TBC1D32: variants seen among roughly 807,000 people sequenced by gnomAD.
TBC1D32 encodes TBC1 domain family member 32.
In TBC1D32, 151 loss-of-function variants were observed where a neutral mutation model predicts 170.3. The observed-to-expected ratio is 0.89, with a 90% CI of 0.78 to 1.01. The LOEUF (loss-of-function observed/expected upper bound fraction) is 1.01. Among genes scored for constraint, TBC1D32 ranks in the 50% least tolerant of loss-of-function variants. The probability of loss-of-function intolerance (pLI) is 0.00; values close to 1 mark genes in which losing one functional copy is unlikely to be tolerated. For synonymous variants in TBC1D32, 498 were observed against 488.0 expected, an observed-to-expected ratio of 1.02 and a Z score of -0.27; for missense variants, 1,464 against 1,457.1, an observed-to-expected ratio of 1.00 and a Z score of -0.08.
At chr6:121,310,051 A>G (rs1807943055) in intron 4 of TBC1D32, among the ~76,000 whole-genome samples, 1 of 151,706 alleles carries the variant, frequency 6.6e-6, no homozygotes, top group African/African-American at 2.4e-5. Flanking sequence ...ATATATATAT[A>G]AAATTTTTCT....
intron 12 of TBC1D32, among the ~76,000 whole-genome samples, chr6:121,285,307 AG>A (rs1803629558): frequency 1.3e-5 from 2 of 152,194 alleles, no homozygotes; most frequent in South Asian, 4.1e-4. Flanking sequence ...TGAAGTCCAG[AG>A]CTAACCAGTA....
chr6:121,185,182 T>C (rs1789029837), intron 22 of TBC1D32, among the ~76,000 whole-genome samples: 1 of 152,038 alleles, frequency 6.6e-6, no homozygotes, highest in South Asian at 2.1e-4. Flanking sequence ...CTTCAAAATT[T>C]TCCCTCTTTG....
intron 26 of TBC1D32, among the ~76,000 whole-genome samples, chr6:121,122,517 C>T (rs1314682167): frequency 1.3e-5 from 2 of 151,706 alleles, no homozygotes; most frequent in South Asian, 2.1e-4. Context: ...CCTGAAAATA[C>T]CCATATATCT....
intron 24 of TBC1D32, among the ~76,000 whole-genome samples, chr6:121,156,946 T>C (rs1166763389): frequency 2.6e-5 from 4 of 152,120 alleles, no homozygotes; most frequent in African/African-American, 9.6e-5. Flanking sequence ...AATCACAGAA[T>C]ATGTTGCATG....
chr6:121,124,001 AT>A (rs1780563881), intron 26 of TBC1D32, among the ~76,000 whole-genome samples: 1 of 151,924 alleles, frequency 6.6e-6, no homozygotes, highest in African/African-American at 2.4e-5. Context: ...TTCTACCACC[AT>A]TTTGAATTTT....
chr6:121,162,120 A>G (rs1229025527), intron 22 of TBC1D32, among the ~76,000 whole-genome samples: 1 of 152,180 alleles, frequency 6.6e-6, no homozygotes, highest in Non-Finnish European at 1.5e-5. Flanking sequence ...CAGATTGCAA[A>G]AAGTCTTCCC....
At chr6:121,279,060 C>A in intron 15 of TBC1D32, 61 bp downstream of exon 15, 3 of 1,529,068 alleles carry the variant, frequency 2.0e-6, no homozygotes, top group Non-Finnish European at 2.6e-6. Flanking sequence ...ATATTATTAG[C>A]AGCTTGTCAG....
intron 24 of TBC1D32, among the ~76,000 whole-genome samples, chr6:121,151,573 G>A (rs1178391823): frequency 1.3e-5 from 2 of 152,048 alleles, no homozygotes; most frequent in Admixed American, 6.6e-5. Context: ...TTTCTGTCTC[G>A]ATCAACTGTC....
intron 26 of TBC1D32, among the ~76,000 whole-genome samples, chr6:121,123,997 C>A (rs1351041187): frequency 6.6e-6 from 1 of 151,736 alleles, no homozygotes; most frequent in East Asian, 1.9e-4. Flanking sequence ...TCCTTTCTAC[C>A]ACCATTTTGA....
At chr6:121,235,493 C>T (rs1583328993) in intron 20 of TBC1D32, among the ~76,000 whole-genome samples, 1 of 152,206 alleles carries the variant, frequency 6.6e-6, no homozygotes, top group South Asian at 2.1e-4. Context: ...ATTATGGCTG[C>T]CTCTCCTGAG....
intron 1 of TBC1D32, among the ~76,000 whole-genome samples, chr6:121,323,050 C>G (rs1809965983): frequency 1.3e-5 from 2 of 152,078 alleles, no homozygotes; most frequent in Admixed American, 1.3e-4. Context: ...TTCCAGCTAC[C>G]CACCACATTT....
intron 29 of TBC1D32, among the ~76,000 whole-genome samples, chr6:121,111,257 T>C (rs1303415576): frequency 6.6e-6 from 1 of 152,186 alleles, no homozygotes; most frequent in Non-Finnish European, 1.5e-5. Flanking sequence ...AATGCAACTT[T>C]ACAAAATTAT....
chr6:121,209,437 C>G (rs1196893573), intron 21 of TBC1D32, among the ~76,000 whole-genome samples: 2 of 152,140 alleles, frequency 1.3e-5, no homozygotes, highest in East Asian at 3.9e-4. Flanking sequence ...ATTTAATCAT[C>G]TTGTATAACC....
At chr6:121,289,862 G>A (rs36183176) in intron 12 of TBC1D32, among the ~76,000 whole-genome samples, 2,205 of 152,216 alleles carry the variant, frequency 0.014, 21 homozygotes, top group Non-Finnish European at 0.024. Context: ...ACAACCATCT[G>A]ATCTTTGCCA....
At chr6:121,113,505 T>C (rs1311607834) in intron 27 of TBC1D32, among the ~76,000 whole-genome samples, 1 of 152,178 alleles carries the variant, frequency 6.6e-6, no homozygotes, top group Non-Finnish European at 1.5e-5. Flanking sequence ...TAGAAGTACC[T>C]TTAGAGTTCA....
chr6:121,311,598 C>T (rs1808213657), intron 3 of TBC1D32, among the ~76,000 whole-genome samples: 1 of 151,892 alleles, frequency 6.6e-6, no homozygotes, highest in East Asian at 1.9e-4. Flanking sequence ...CATGGTGGCA[C>T]GTGCCCGTAC....
intron 15 of TBC1D32, among the ~76,000 whole-genome samples, chr6:121,270,171 A>T (rs984081252): frequency 1.3e-5 from 2 of 152,204 alleles, no homozygotes; most frequent in African/African-American, 4.8e-5. Context: ...GAAAGATTTA[A>T]AATTGACACC....
chr6:121,160,092 T>A lies in TBC1D32; in HGVS notation c.2691A>T (p.Pro897=). The A allele has an allele frequency of 1.2e-6, 2 of 1,600,576 alleles. No individual in the cohort carries two copies. The highest frequency in any genetic ancestry group is 1.7e-6 in the Non-Finnish European group (2 of 1,169,450). The change falls in exon 24 of 32, where the codon CCA becomes CCT. Residue 897 remains proline (P), a synonymous_variant. Coordinates refer to ENST00000398212, the MANE Select transcript of TBC1D32 (RefSeq NM_152730.6). ...PPRLLEKSDN[P]YPWPMFSSYP... Reference sequence around the variant, plus strand: ...ATGATGAAAACATTGGCCAAGGATATGGATTATCACTCTAAAAAAGAAGCA... The same window carrying A: ...ATGATGAAAACATTGGCCAAGGATAAGGATTATCACTCTAAAAAAGAAGCA...
At chr6:121,241,573 C>T (rs751175822) in intron 18 of TBC1D32, 21 bp from the exon 19 acceptor site, 3 of 1,603,332 alleles carry the variant, frequency 1.9e-6, no homozygotes, top group Admixed American at 3.3e-5. Context: ...AAATAAGGAA[C>T]AGCAATGAAA....
Sources: allele counts gnomAD v4.1 joint callset (sites outside exome capture counted in the v4.1 genomes callset), GRCh38; gene constraint gnomAD v4.1.1; transcripts MANE v1.5; gene names NCBI Gene and HGNC (gene_info 2026-07-23, HGNC 2026-07-21).